The following ZFAND6 variants were observed in gnomAD, a reference collection of about 807,000 sequenced individuals.
The protein encoded by ZFAND6 is zinc finger AN1-type containing 6.
ZFAND6 carries 12 observed loss-of-function variants against 24.5 expected under a neutral mutation model. The ratio of observed to expected loss-of-function variants is 0.49; its 90% CI spans 0.31 to 0.79. ZFAND6 has a LOEUF of 0.79. ZFAND6 is among the 30% of genes least tolerant of loss of function. The pLI is 0.04. For missense variants in ZFAND6, 207 were observed against 245.9 expected (o/e 0.84, Z 1.06); for synonymous variants, 92 against 81.5 (o/e 1.13, Z -0.69).
intron 6 of ZFAND6, among the ~76,000 whole-genome samples, chr15:80,133,988 G>GTT (rs766211841): frequency 1.4e-4 from 20 of 138,750 alleles, no homozygotes; most frequent in Non-Finnish European, 1.9e-4. Flanking sequence ...AAGTTGTTGG[G>GTT]TTTTTTTTTT....
Position 80,121,826 on chromosome 15 carries a change from A to T in ZFAND6, c.263+6A>T. On this transcript the variant is annotated splice_donor_region_variant and intron_variant, in intron 4 of 6. Coordinates refer to ENST00000261749, the MANE Select transcript of ZFAND6 (RefSeq NM_019006.4). ...TCTTCATCTATGCAGCCCAGGTAAGATGTACTCTCTGAATTCTAATGAGAA... is the reference window on the plus strand; with the variant it reads ...TCTTCATCTATGCAGCCCAGGTAAGTTGTACTCTCTGAATTCTAATGAGAA... 1.2e-6 allele frequency: 2 copies of T among 1,607,752 alleles called. No individual in the cohort carries two copies. Among genetic ancestry groups the T allele is most frequent in the Non-Finnish European group, 1.7e-6 (2 of 1,175,016 alleles).
chr15:80,078,178 A>G (rs1436950069), intron 1 of ZFAND6, among the ~76,000 whole-genome samples: 3 of 152,164 alleles, frequency 2.0e-5, no homozygotes, highest in Non-Finnish European at 4.4e-5. Context: ...AGTACCTGAT[A>G]GGTGTTAATA....
chr15:80,136,700 C>A (rs1350450540), intron 6 of ZFAND6, among the ~76,000 whole-genome samples: 1 of 152,152 alleles, frequency 6.6e-6, no homozygotes, highest in Admixed American at 6.5e-5. Flanking sequence ...TGCTCCATTT[C>A]TAACAATTGT....
intron 5 of ZFAND6, 159 bp from the exon 6 acceptor site, chr15:80,131,020 AG>A (rs2040576503): frequency 6.1e-6 from 3 of 494,030 alleles, no homozygotes; most frequent in East Asian, 5.9e-5. Context: ...TTTAACAAAA[AG>A]GGGTCATATT....
intron 2 of ZFAND6, among the ~76,000 whole-genome samples, chr15:80,111,954 A>G (rs1203987958): frequency 6.6e-6 from 1 of 152,124 alleles, no homozygotes; most frequent in African/African-American, 2.4e-5. Flanking sequence ...TCAACAGAAG[A>G]AATCTGGAAA....
At chr15:80,118,345 AG>A (rs1335161431) in intron 2 of ZFAND6, among the ~76,000 whole-genome samples, 2 of 151,430 alleles carry the variant, frequency 1.3e-5, no homozygotes, top group African/African-American at 4.9e-5. Flanking sequence ...GGATGGCTCT[AG>A]CTCCTGACCT....
At chr15:80,112,321 T>TTGG (rs199806607) in intron 2 of ZFAND6, among the ~76,000 whole-genome samples, 2,064 of 152,326 alleles carry the variant, frequency 0.014, 40 homozygotes, top group African/African-American at 0.047. Flanking sequence ...AAAATCCCTA[T>TTGG]ACTTTTATCA....
chr15:80,059,682 C>G lies in ZFAND6; in HGVS notation c.-308C>G, dbSNP rs2036212706. The G allele has an allele frequency of 1.3e-5, 2 of 152,648 alleles. No individual in the cohort carries two copies. The highest frequency in any genetic ancestry group is 2.4e-5 in the African/African-American group (1 of 41,576). The allele number at this position is 152,648 out of a possible 1,614,324, so 9.5% of individuals were successfully genotyped here. On this transcript the variant is annotated 5_prime_UTR_variant, in exon 1 of 7. Transcript: ENST00000261749. ...CAACCAAACAGAAAAGTTTAATAAACAGCGGACGGAGGGGCCGGCGGTGGC... is the reference window on the plus strand; with the variant it reads ...CAACCAAACAGAAAAGTTTAATAAAGAGCGGACGGAGGGGCCGGCGGTGGC...
chr15:80,077,844 T>G (rs1257834157), intron 1 of ZFAND6, among the ~76,000 whole-genome samples: 1 of 151,584 alleles, frequency 6.6e-6, no homozygotes. Context: ...GGACTACAGG[T>G]GTCTGCCACC....
intron 1 of ZFAND6, among the ~76,000 whole-genome samples, chr15:80,079,369 C>T (rs968176955): frequency 3.3e-5 from 5 of 151,942 alleles, no homozygotes; most frequent in African/African-American, 7.2e-5. Flanking sequence ...CACAGGCACC[C>T]GCCACCACGC....
intron 5 of ZFAND6, among the ~76,000 whole-genome samples, chr15:80,128,170 G>T (rs1255681082): frequency 6.6e-6 from 1 of 152,176 alleles, no homozygotes. Context: ...CAGAAACCGT[G>T]GGAAGTGGGG....
At chr15:80,110,938 G>A (rs1373652405) in intron 2 of ZFAND6, among the ~76,000 whole-genome samples, 1 of 152,160 alleles carries the variant, frequency 6.6e-6, no homozygotes, top group Admixed American at 6.5e-5. Flanking sequence ...CCTGGGATGG[G>A]AGGGGTCAGG....
At chr15:80,077,724 G>A (rs1368912129) in intron 1 of ZFAND6, among the ~76,000 whole-genome samples, 1 of 115,218 alleles carries the variant, frequency 8.7e-6, no homozygotes, top group African/African-American at 3.3e-5. Context: ...TTTGGAGACA[G>A]AGTCTCGCTC....
intron 2 of ZFAND6, among the ~76,000 whole-genome samples, chr15:80,105,569 C>A (rs1462299859): frequency 6.6e-6 from 1 of 152,136 alleles, no homozygotes; most frequent in Non-Finnish European, 1.5e-5. Flanking sequence ...TCACAATCAC[C>A]GTCCCAGTTG....
intron 1 of ZFAND6, among the ~76,000 whole-genome samples, chr15:80,084,947 A>T (rs934692746): frequency 3.9e-5 from 6 of 152,210 alleles, no homozygotes; most frequent in African/African-American, 1.4e-4. Flanking sequence ...TACCAAATAC[A>T]GTTCACTACT....
rs548358745 is a variant in ZFAND6, at chr15:80,083,946, A to G, written c.-180-14470A>G. On this transcript the variant is annotated intron_variant, in intron 1 of 6. Transcript: ENST00000261749. ...TTCATAGACAAGATGAGCTAAACCT[A>G]TTCTCTTAGTGATGGAAAACCTTTG... Among the ~76,000 whole-genome samples the G allele has an allele frequency of 1.1e-4, 17 of 152,334 alleles. No individual in the cohort carries two copies. The East Asian group carries it at 2.7e-3, about 24-fold the overall frequency.
chr15:80,072,493 A>G (rs547794275), intron 1 of ZFAND6: 1 of 152,158 alleles, frequency 6.6e-6, no homozygotes, highest in Admixed American at 6.5e-5. Flanking sequence ...TCCAATCACA[A>G]TTATCAGTTT....
chr15:80,128,126 A>T (rs1203979787), intron 5 of ZFAND6, among the ~76,000 whole-genome samples: 1 of 152,234 alleles, frequency 6.6e-6, no homozygotes, highest in Non-Finnish European at 1.5e-5. Flanking sequence ...GAATGTCTAA[A>T]ACAGGCTAGT....
intron 2 of ZFAND6, chr15:80,111,504 C>A (rs761818552): frequency 2.2e-6 from 1 of 455,794 alleles, no homozygotes; most frequent in Non-Finnish European, 4.4e-6. Context: ...ATAGGAATGT[C>A]AATCAGAAGT....
Sources: gnomAD v4.1 joint callset for allele counts (sites outside exome capture counted in the v4.1 genomes callset) on GRCh38, gnomAD v4.1.1 for gene constraint, MANE v1.5 for transcripts, NCBI Gene and HGNC (gene_info 2026-07-23, HGNC 2026-07-21) for gene names.